The following DAPK1 variants were observed in gnomAD, a reference collection of about 807,000 sequenced individuals.
DAPK1 encodes the protein death-associated protein kinase 1.
In DAPK1, 56 loss-of-function variants were observed where a neutral mutation model predicts 144.9. That is an observed-to-expected ratio of 0.39 (90% CI 0.31 to 0.48). DAPK1 has a LOEUF of 0.48. Ranked by LOEUF, DAPK1 falls within the 20% of genes least tolerant of loss-of-function variation. The pLI is 0.95. For synonymous variants in DAPK1, 690 were observed against 749.0 expected (o/e 0.92, Z 1.29); for missense variants, 1,454 against 1,875.4 (o/e 0.78, Z 4.15).
intron 2 of DAPK1, among the ~76,000 whole-genome samples, chr9:87,508,637 C>T (rs1221875905): frequency 3.3e-5 from 5 of 152,138 alleles, no homozygotes; most frequent in Non-Finnish European, 5.9e-5. Context: ...CCACCGTGCC[C>T]GGCCACGATT....
intron 18 of DAPK1, 70 bp from the exon 19 acceptor site, chr9:87,668,527 G>A: frequency 1.1e-6 from 1 of 877,980 alleles, no homozygotes; most frequent in Non-Finnish European, 2.0e-6. Context: ...CAGACCCACG[G>A]AATTGGCGTA....
At chr9:87,509,899 C>T (rs1229499217) in intron 2 of DAPK1, among the ~76,000 whole-genome samples, 3 of 152,208 alleles carry the variant, frequency 2.0e-5, no homozygotes, top group Non-Finnish European at 4.4e-5. Flanking sequence ...CGTTCCTTTG[C>T]CATTCATGGA....
Position 87,639,713 on chromosome 9 carries a change from C to T in DAPK1, c.602+15C>T, listed in dbSNP as rs577752479. The stretch of plus-strand genomic sequence containing the variant: ...GCAGATATGTGGTAAGGAGTATGTC[C>T]TTGGTGTTGTTTGCTTTCTGATTTA... On this transcript the variant is annotated intron_variant, in intron 6 of 25. Transcript: ENST00000408954. 46 of 1,613,686 alleles carry T rather than the reference C, an allele frequency of 2.9e-5. No individual in the cohort carries two copies. The highest frequency in any genetic ancestry group is 3.6e-5 in the Non-Finnish European group (43 of 1,179,752).
At chr9:87,677,913 G>A (rs1248247028) in intron 19 of DAPK1, among the ~76,000 whole-genome samples, 2 of 152,162 alleles carry the variant, frequency 1.3e-5, no homozygotes, top group African/African-American at 4.8e-5. Flanking sequence ...TGCACGTGGC[G>A]CTGGGGACAA....
At chr9:87,535,589 A>C (rs902343240) in intron 2 of DAPK1, among the ~76,000 whole-genome samples, 6 of 152,128 alleles carry the variant, frequency 3.9e-5, no homozygotes, top group Non-Finnish European at 8.8e-5. Context: ...TTTCTCCAAG[A>C]AAGTTTAGTC....
intron 17 of DAPK1, among the ~76,000 whole-genome samples, chr9:87,655,496 G>C (rs1409487769): frequency 6.6e-6 from 1 of 152,152 alleles, no homozygotes; most frequent in Non-Finnish European, 1.5e-5. Flanking sequence ...TGTGAGCGTG[G>C]GGTGGCATCC....
chr9:87,514,224 G>T (rs935933630), intron 2 of DAPK1, among the ~76,000 whole-genome samples: 3 of 152,134 alleles, frequency 2.0e-5, no homozygotes, highest in African/African-American at 7.2e-5. Flanking sequence ...GATGAGAGAA[G>T]ATATTGACCT....
At chr9:87,638,215 C>T (rs1478396317) in intron 4 of DAPK1, 134 bp downstream of exon 4, 3 of 978,464 alleles carry the variant, frequency 3.1e-6, no homozygotes, top group Non-Finnish European at 4.4e-6. Context: ...AGAAATATCA[C>T]TATAAATCGG....
At chr9:87,519,175 G>C (rs1302335824) in intron 2 of DAPK1, among the ~76,000 whole-genome samples, 4 of 152,196 alleles carry the variant, frequency 2.6e-5, no homozygotes, top group African/African-American at 9.6e-5. Context: ...CCCAACCCCA[G>C]CTTTATCACT....
Position 87,706,605 on chromosome 9 carries a change from C to A in DAPK1, c.3534C>A (p.Asn1178Lys), listed in dbSNP as rs1297370915. ...RLWVNGCKLA[N>K]RGAELLVLLV... ...GGGTGAATGGCTGCAAGCTGGCCAA[C>A]CGTGGGGCCGAGCTGCTGGTGCTGC... Residue 1178 changes from asparagine to lysine, a missense_variant, in exon 26 of 26, where the codon AAC becomes AAA. Around this residue, in one of 2 missense-constraint regions of DAPK1, gnomAD observed 1,025 missense variants for 1,237.9 expected, o/e 0.83. Coordinates refer to ENST00000408954, the MANE Select transcript of DAPK1 (RefSeq NM_004938.4). This position sits in a 1 kb window ranked among gnomAD's most constrained non-coding sequence, Gnocchi z 9.0. 3 of 1,613,512 alleles carry A rather than the reference C, an allele frequency of 1.9e-6. No homozygotes were observed. The Admixed American group carries it at 5.0e-5, about 27-fold the overall frequency.
At chr9:87,504,833 T>G (rs1824528871) in intron 2 of DAPK1, among the ~76,000 whole-genome samples, 1 of 152,192 alleles carries the variant, frequency 6.6e-6, no homozygotes, top group Non-Finnish European at 1.5e-5. Context: ...CTTAGTACAA[T>G]GTAAATGCTA....
intron 2 of DAPK1, among the ~76,000 whole-genome samples, chr9:87,598,321 G>A (rs35821502): frequency 0.014 from 2,067 of 152,298 alleles, 20 homozygotes; most frequent in Admixed American, 0.023. Context: ...CGTAAAGATG[G>A]AACGTGTCAG....
chr9:87,645,037 G>A (rs970875099), intron 11 of DAPK1, among the ~76,000 whole-genome samples: 3 of 152,188 alleles, frequency 2.0e-5, no homozygotes, highest in African/African-American at 7.2e-5. Context: ...AGAGAAAGCA[G>A]ATGGAGAGAA....
chr9:87,545,262 T>G (rs1339559500), intron 2 of DAPK1, among the ~76,000 whole-genome samples: 3 of 152,134 alleles, frequency 2.0e-5, no homozygotes, highest in Non-Finnish European at 4.4e-5. Context: ...GGTTAGGAAG[T>G]GCGTAATGAG....
At chr9:87,574,803 TC>T (rs1364384159) in intron 2 of DAPK1, among the ~76,000 whole-genome samples, 1 of 152,094 alleles carries the variant, frequency 6.6e-6, no homozygotes, top group Non-Finnish European at 1.5e-5. Context: ...GCACCTGTAG[TC>T]CCAGCTACTG....
intron 21 of DAPK1, among the ~76,000 whole-genome samples, chr9:87,689,520 T>A (rs1373711249): frequency 2.0e-5 from 3 of 152,242 alleles, no homozygotes; most frequent in Admixed American, 2.0e-4. Flanking sequence ...TTTAGTTTAA[T>A]ACACTCTAAG....
At chr9:87,690,749 T>C (rs947568637) in intron 21 of DAPK1, among the ~76,000 whole-genome samples, 4 of 152,122 alleles carry the variant, frequency 2.6e-5, no homozygotes, top group Non-Finnish European at 5.9e-5. Context: ...TGTTGACAGC[T>C]TTTATCATGA....
chr9:87,657,819 T>C (rs1830681449), intron 17 of DAPK1: 1 of 570,070 alleles, frequency 1.8e-6, no homozygotes, highest in Non-Finnish European at 3.2e-6. Flanking sequence ...TGAAGTTGTA[T>C]TTTGAAGCTC....
intron 2 of DAPK1, among the ~76,000 whole-genome samples, chr9:87,592,466 T>C (rs17053191): frequency 0.047 from 7,231 of 152,324 alleles, 591 homozygotes; most frequent in African/African-American, 0.16. Context: ...GAAAGGTCAT[T>C]GGGTTTACAA....
Sources: allele counts gnomAD v4.1 joint callset (sites outside exome capture counted in the v4.1 genomes callset), GRCh38; gene constraint gnomAD v4.1.1; regional missense constraint gnomAD v4.1.1; non-coding constraint Gnocchi (gnomAD v3.1); transcripts MANE v1.5; gene names NCBI Gene and HGNC (gene_info 2026-07-23, HGNC 2026-07-21).